Variants in TBCD observed in about 807,000 individuals in gnomAD.
TBCD encodes the protein tubulin-specific chaperone D.
A neutral mutation model predicts 169.3 loss-of-function variants in TBCD; 105 were observed. The observed-to-expected ratio is 0.62, with a 90% CI of 0.53 to 0.73. The LOEUF (loss-of-function observed/expected upper bound fraction) is 0.73. Among genes scored for constraint, TBCD ranks in the 30% least tolerant of loss-of-function variants. The pLI, the probability that TBCD is intolerant of heterozygous loss-of-function variation, is 0.00. For missense variants in TBCD, 1,444 were observed against 1,600.1 expected, an observed-to-expected ratio of 0.90 and a Z score of 1.66; for synonymous variants, 700 against 643.9, an observed-to-expected ratio of 1.09 and a Z score of -1.32.
intron 23 of TBCD, among the ~76,000 whole-genome samples, chr17:82,917,781 C>G (rs1451297844): frequency 6.6e-6 from 1 of 152,206 alleles, no homozygotes; most frequent in Non-Finnish European, 1.5e-5. Flanking sequence ...TCATCCTGGA[C>G]TCCCGTTCTC....
Position 82,904,749 on chromosome 17 carries a change from C to T in TBCD, c.1805-1187C>T, listed in dbSNP as rs145189847. 7.5e-3 allele frequency among the ~76,000 whole-genome samples: 1,140 copies of T among 152,176 alleles called. 7 individuals are homozygous for T. The highest frequency in any genetic ancestry group is 0.025 in the African/African-American group (1,036 of 41,476). ...CTGTGTTGAACATCCTGTGGGGGCTCGTTCATTCCTAAGGGATCTTTCAGC... is the reference window on the plus strand; with the variant it reads ...CTGTGTTGAACATCCTGTGGGGGCTTGTTCATTCCTAAGGGATCTTTCAGC... On this transcript the variant is annotated intron_variant, in intron 19 of 38. Coordinates refer to ENST00000355528, the MANE Select transcript of TBCD (RefSeq NM_005993.5).
rs1351399026 is a variant in TBCD, at chr17:82,763,997, C to G, written c.268C>G (p.Gln90Glu). 1.2e-6 allele frequency: 2 copies of G among 1,613,916 alleles called. No homozygotes were observed. Among genetic ancestry groups the G allele is most frequent in the Non-Finnish European group, 1.7e-6 (2 of 1,179,836 alleles). Residue 90 changes from glutamine (Q) to glutamate (E), a missense_variant, in exon 3 of 39, where the codon CAA (glutamine) becomes GAA (glutamate). Gln to Glu is a conservative substitution (Grantham distance 29). Transcript: ENST00000355528. ...GATGAACTTGTTGTTGGACATAGTG[C>G]AAGATCAGACATCTCCAGCTTCCCT... ...WMMNLLLDIV[Q>E]DQTSPASLVH...
intron 21 of TBCD, 53 bp downstream of exon 21, chr17:82,907,874 C>G (rs1243683689): frequency 4.4e-6 from 7 of 1,577,490 alleles, no homozygotes; most frequent in Non-Finnish European, 6.0e-6. Context: ...GGACCTGCCC[C>G]CTTAGGGCCT....
At position 82,889,204 on chromosome 17, in the gene TBCD, G is replaced by A. The variant is rs547367659; in HGVS notation, c.1534-464G>A. Among the ~76,000 whole-genome samples, 1 of 152,188 alleles carries A rather than the reference G, an allele frequency of 6.6e-6. No individual in the cohort carries two copies. Among genetic ancestry groups the A allele is most frequent in the Non-Finnish European group, 1.5e-5 (1 of 68,026 alleles). ...CAGCCCTTGCTCTGGGCCTGTGCCC[G>A]GCCCTGGGACTCGGCCTGGAGAGCC... On this transcript the variant is annotated intron_variant, in intron 15 of 38. Coordinates refer to ENST00000355528, the MANE Select transcript of TBCD (RefSeq NM_005993.5). The surrounding 1 kb of genome is among the most constrained non-coding windows in gnomAD (Gnocchi z 5.3).
chr17:82,933,832 C>G (rs1208936855), intron 34 of TBCD, among the ~76,000 whole-genome samples: 3 of 151,626 alleles, frequency 2.0e-5, no homozygotes, highest in African/African-American at 4.9e-5. Flanking sequence ...AGGCTGGTCT[C>G]GAACTCCTGA....
In TBCD at chr17:82,799,441, C is replaced by CAAAAA. The variant is rs61017445; in HGVS notation, c.818-1405_818-1401dup. Among the ~76,000 whole-genome samples, 151 of 72,588 alleles carry CAAAAA rather than the reference C, an allele frequency of 2.1e-3. 6 individuals carry two copies. Among genetic ancestry groups the CAAAAA allele is most frequent in the Admixed American group, 4.5e-3 (25 of 5,530 alleles). The allele number at this position is 72,588 out of a possible 152,430, so 47.6% of individuals were successfully genotyped here. A position where few individuals can be genotyped will look rare whatever the true frequency, so the allele number is the denominator to read the frequency against. On this transcript the variant is annotated intron_variant, in intron 8 of 38. Transcript: ENST00000355528. ...CTGGCGACAGAGCAAGACTCTGTCT[C>CAAAAA]AAAAAAAAAAAAAAAAAAAAAAGAA...
In TBCD at chr17:82,937,253, T is replaced by C. The variant is rs775454856; in HGVS notation, c.3192-18T>C. 6.2e-7 allele frequency: 1 copy of C among 1,612,108 alleles called. No individual in the cohort carries two copies. The highest frequency in any genetic ancestry group is 2.2e-5 in the East Asian group (1 of 44,892). ...TGCCTGTGAAAGCTCATCTCTAAAG[T>C]GTGTGTTGTTCTTCCAGCCACCCCT... On this transcript the variant is annotated intron_variant, in intron 34 of 38. Transcript: ENST00000355528.
chr17:82,857,035 C>T (rs1361390827), intron 13 of TBCD, among the ~76,000 whole-genome samples: 10 of 152,252 alleles, frequency 6.6e-5, no homozygotes, highest in South Asian at 2.1e-4. Flanking sequence ...GAGGCGTCCC[C>T]AAGCTGTTTC....
chr17:82,753,233 T>C (rs1207379078), intron 1 of TBCD, among the ~76,000 whole-genome samples: 1 of 152,008 alleles, frequency 6.6e-6, no homozygotes, highest in Admixed American at 6.6e-5. Context: ...GGGGGCCTTG[T>C]GGGAGGAGTG....
rs1485790250 is a variant in TBCD at position 82,874,021 on chromosome 17, C to A, written c.1475+3641C>A. Among the ~76,000 whole-genome samples, 5 of 152,236 alleles carry A rather than the reference C, an allele frequency of 3.3e-5. No homozygotes were observed. The highest frequency in any genetic ancestry group is 7.3e-5 in the Non-Finnish European group (5 of 68,044). On this transcript the variant is annotated intron_variant, in intron 14 of 38. Coordinates refer to ENST00000355528, the MANE Select transcript of TBCD (RefSeq NM_005993.5). The surrounding 1 kb of genome is among the most constrained non-coding windows in gnomAD (Gnocchi z 5.0). ...GGCCCCGTGAGGGTCCTGACTGGGG[C>A]TCCTCTTTTGGAGCAGCTGCCACGT... is the stretch of plus-strand genomic sequence containing the variant.
Position 82,923,635 on chromosome 17 carries a change from T to A in TBCD, c.2179-17T>A, listed in dbSNP as rs1241761341. ...GAGCAGAGCTGCTGTGCGCTCACCG[T>A]GCTGCCTTTGTTTTAGGATGCAGCA... is the stretch of plus-strand genomic sequence containing the variant. On this transcript the variant is annotated splice_polypyrimidine_tract_variant and intron_variant, in intron 25 of 38. Transcript: ENST00000355528. The surrounding 1 kb of genome is among the most constrained non-coding windows in gnomAD (Gnocchi z 4.6). 6.4e-7 allele frequency: 1 copy of A among 1,559,802 alleles called. No individual in the cohort carries two copies. Among genetic ancestry groups the A allele is most frequent in the Non-Finnish European group, 8.7e-7 (1 of 1,151,102 alleles).
rs373192743 is a variant in TBCD at position 82,845,253 on chromosome 17, C to T, written c.1319-24971C>T. ...CCCTTCCTCTCCATCCTGTCCAGCT[C>T]AGCCCCTTCCTGTCCATCTTGTGCG... On this transcript the variant is annotated intron_variant, in intron 13 of 38. Transcript: ENST00000355528. 1.4e-4 allele frequency among the ~76,000 whole-genome samples: 22 copies of T among 152,000 alleles called. No individual in the cohort carries two copies. In the East Asian group the frequency reaches 3.5e-3, roughly 24 times the overall value.
intron 13 of TBCD, among the ~76,000 whole-genome samples, chr17:82,829,188 C>T (rs1318986650): frequency 3.9e-5 from 6 of 152,066 alleles, no homozygotes; most frequent in African/African-American, 1.4e-4. Context: ...TACCCACACC[C>T]GCAGACGTGC....
intron 13 of TBCD, among the ~76,000 whole-genome samples, chr17:82,828,750 T>TGC (rs1480985705): frequency 1.6e-5 from 2 of 125,814 alleles, no homozygotes; most frequent in African/African-American, 5.5e-5. Flanking sequence ...CACCCAGAGA[T>TGC]GCACACACAC....
intron 28 of TBCD, 24 bp downstream of exon 28, chr17:82,926,515 A>T: frequency 6.2e-7 from 1 of 1,606,802 alleles, no homozygotes; most frequent in Non-Finnish European, 8.5e-7. Flanking sequence ...GTTCCTCCCT[A>T]AAGTCGTAAG....
intron 13 of TBCD, chr17:82,860,448 C>G (rs1325739993): frequency 1.0e-6 from 1 of 985,302 alleles, no homozygotes; most frequent in Non-Finnish European, 1.2e-6. Context: ...GAAGGAACCA[C>G]GGTGGGTTTC....
chr17:82,786,497 C>T (rs8066848), intron 7 of TBCD, among the ~76,000 whole-genome samples: 13,594 of 152,254 alleles, frequency 0.089, 1,245 homozygotes, highest in African/African-American at 0.23. Context: ...CTGCAGCTCT[C>T]GTCAGCCTGG....
In TBCD at chr17:82,937,356, G is replaced by A. The variant is rs767597705; in HGVS notation, c.3277G>A (p.Ala1093Thr). Residue 1093 changes from alanine to threonine, a missense_variant, in exon 35 of 39, where the codon GCA becomes ACA. Coordinates refer to ENST00000355528, the MANE Select transcript of TBCD (RefSeq NM_005993.5). ...TATCCAGAAGCTCCTGTCAGGCATC[G>A]CAGTGTGAGTTTCAAGTGCTGCTGG... is the stretch of plus-strand genomic sequence containing the variant. Reference protein sequence around the residue: ...KDIQKLLSGIAVFCEMVQFPG... With the variant: ...KDIQKLLSGITVFCEMVQFPG... The A allele has an allele frequency of 3.7e-5, 59 of 1,613,900 alleles. 1 individual carries two copies. The Middle Eastern group carries it at 1.5e-3, about 41-fold the overall frequency.
chr17:82,830,721 CG>C, intron 13 of TBCD: 1 of 1,613,948 alleles, frequency 6.2e-7, no homozygotes, highest in Non-Finnish European at 8.5e-7. Flanking sequence ...TGCCTTGGTA[CG>C]TGGGTTCGTG....
Sources: allele counts gnomAD v4.1 joint callset (sites outside exome capture counted in the v4.1 genomes callset), GRCh38; gene constraint gnomAD v4.1.1; non-coding constraint Gnocchi (gnomAD v3.1); transcripts MANE v1.5; gene names NCBI Gene and HGNC (gene_info 2026-07-23, HGNC 2026-07-21).